The following UQCRH variants were observed in gnomAD, a reference collection of about 807,000 sequenced individuals.
UQCRH encodes cytochrome b-c1 complex subunit 6, mitochondrial.
A neutral mutation model predicts 16.3 loss-of-function variants in UQCRH; 14 were observed. That is an observed-to-expected ratio of 0.86 (90% CI 0.57 to 1.34). The LOEUF is 1.34. Ranked by LOEUF, UQCRH falls within the 40% of genes most tolerant of loss-of-function variation. The probability of loss-of-function intolerance (pLI) is 0.00; values close to 1 mark genes in which losing one functional copy is unlikely to be tolerated. For missense variants in UQCRH, 89 were observed against 111.9 expected, an observed-to-expected ratio of 0.80 and a Z score of 0.92; for synonymous variants, 41 against 41.9, an observed-to-expected ratio of 0.98 and a Z score of 0.08.
At chr1:46,306,151 C>T (rs1334948122) in intron 1 of UQCRH, among the ~76,000 whole-genome samples, 3 of 152,106 alleles carry the variant, frequency 2.0e-5, no homozygotes, top group African/African-American at 7.2e-5. Context: ...TGGTTTTTCT[C>T]AGTGACTGGA....
At chr1:46,309,667 T>C in intron 2 of UQCRH, 1 of 205,484 alleles carries the variant, frequency 4.9e-6, no homozygotes, top group Non-Finnish European at 9.2e-6. Flanking sequence ...CAAAACTCCG[T>C]CTTAAAAAAA....
At chr1:46,307,613 A>G (rs1052983547) in intron 1 of UQCRH, among the ~76,000 whole-genome samples, 1 of 152,182 alleles carries the variant, frequency 6.6e-6, no homozygotes, top group African/African-American at 2.4e-5. Context: ...TTACACTACT[A>G]TCCTTGAAGA....
At position 46,309,439 on chromosome 1, in the gene UQCRH, C is replaced by A. The variant is rs943429435; in HGVS notation, c.81+312C>A. 20 of 319,992 alleles carry A rather than the reference C, an allele frequency of 6.3e-5. No individual in the cohort carries two copies. In the East Asian group the frequency reaches 1.1e-3, roughly 17 times the overall value. The allele number at this position is 319,992 out of a possible 1,614,324, so 19.8% of individuals were successfully genotyped here. A position where few individuals can be genotyped will look rare whatever the true frequency, so the allele number is the denominator to read the frequency against. ...AGGCATGGTGGCTCGTGCCTGTAAT[C>A]TCAGCACTTTGGGAGGCCAAGGCAG... On this transcript the variant is annotated intron_variant, in intron 2 of 3. Coordinates refer to ENST00000311672, the MANE Select transcript of UQCRH (RefSeq NM_006004.4).
intron 3 of UQCRH, among the ~76,000 whole-genome samples, chr1:46,313,642 C>CAGAT (rs140722553): frequency 0.14 from 19,851 of 145,768 alleles, 1,360 homozygotes; most frequent in African/African-American, 0.17. Context: ...AAAATATAGA[C>CAGAT]AGATAGATAG....
chr1:46,304,626 C>G (rs1264310745), intron 1 of UQCRH, among the ~76,000 whole-genome samples: 1 of 152,096 alleles, frequency 6.6e-6, no homozygotes, highest in Non-Finnish European at 1.5e-5. Context: ...ACCTAGTGAT[C>G]CGCCCACCCC....
chr1:46,308,981 A>G, intron 1 of UQCRH, 120 bp from the exon 2 acceptor site: 2 of 1,227,272 alleles, frequency 1.6e-6, no homozygotes, highest in East Asian at 2.5e-5. Context: ...CATAAAACAC[A>G]GAAAACAAAA....
At chr1:46,310,866 G>T (rs1229487991) in intron 3 of UQCRH, among the ~76,000 whole-genome samples, 1 of 151,836 alleles carries the variant, frequency 6.6e-6, no homozygotes, top group Non-Finnish European at 1.5e-5. Context: ...AGGAGATCGA[G>T]ACCATCCTGG....
intron 3 of UQCRH, among the ~76,000 whole-genome samples, chr1:46,313,642 C>CAGATAGAT (rs140722553): frequency 0.017 from 2,497 of 145,852 alleles, 22 homozygotes; most frequent in Middle Eastern, 0.032. Context: ...AAAATATAGA[C>CAGATAGAT]AGATAGATAG....
At chr1:46,314,684 A>G (rs932187348) in intron 3 of UQCRH, among the ~76,000 whole-genome samples, 1 of 152,074 alleles carries the variant, frequency 6.6e-6, no homozygotes, top group East Asian at 1.9e-4. Context: ...AAAAAAAAAA[A>G]AAAAAAGGAG....
intron 1 of UQCRH, among the ~76,000 whole-genome samples, chr1:46,305,688 T>C (rs1661360614): frequency 6.6e-6 from 1 of 151,606 alleles, no homozygotes; most frequent in African/African-American, 2.4e-5. Context: ...GAGGCGAAGC[T>C]TGCAGTGAGC....
chr1:46,313,048 G>A (rs542218669), intron 3 of UQCRH, among the ~76,000 whole-genome samples: 1 of 152,066 alleles, frequency 6.6e-6, no homozygotes, highest in South Asian at 2.1e-4. Context: ...TTCCTCAAAA[G>A]GCTAAATATA....
At chr1:46,310,424 A>G (rs984747351) in intron 3 of UQCRH, 108 bp downstream of exon 3, 3 of 1,500,308 alleles carry the variant, frequency 2.0e-6, no homozygotes, top group Non-Finnish European at 2.7e-6. Context: ...CTCTGGGCCC[A>G]ATATATGTGA....
chr1:46,312,240 T>C (rs1661494422), intron 3 of UQCRH, among the ~76,000 whole-genome samples: 1 of 151,774 alleles, frequency 6.6e-6, no homozygotes, highest in Non-Finnish European at 1.5e-5. Flanking sequence ...GGATTAAAGG[T>C]GCACGCCACC....
At chr1:46,314,918 G>T (rs1661553706) in intron 3 of UQCRH, among the ~76,000 whole-genome samples, 1 of 152,194 alleles carries the variant, frequency 6.6e-6, no homozygotes, top group African/African-American at 2.4e-5. Context: ...GATGAAAAAG[G>T]TCCCAAGATT....
chr1:46,303,937 C>T, intron 1 of UQCRH, 117 bp downstream of exon 1: 1 of 1,362,094 alleles, frequency 7.3e-7, no homozygotes, highest in Non-Finnish European at 1.0e-6. Flanking sequence ...TTTGCATAGT[C>T]GGGAGCTCTA....
At chr1:46,307,805 C>A (rs1661402717) in intron 1 of UQCRH, among the ~76,000 whole-genome samples, 1 of 152,186 alleles carries the variant, frequency 6.6e-6, no homozygotes, top group Non-Finnish European at 1.5e-5. Context: ...TAAGCTCTGA[C>A]CAAACAAGGG....
intron 1 of UQCRH, among the ~76,000 whole-genome samples, chr1:46,306,393 T>G (rs886870367): frequency 6.7e-6 from 1 of 150,132 alleles, no homozygotes; most frequent in Non-Finnish European, 1.5e-5. Context: ...TTTTTTTTTT[T>G]TTTTTTGTGA....
At position 46,306,380 on chromosome 1, in the gene UQCRH, G is replaced by GTTTTTTT. The variant is rs58917170; in HGVS notation, c.54+2573_54+2579dup. 8.0e-5 allele frequency among the ~76,000 whole-genome samples: 10 copies of GTTTTTTT among 125,182 alleles called. 2 individuals carry two copies. Among genetic ancestry groups the GTTTTTTT allele is most frequent in the Admixed American group, 8.5e-5 (1 of 11,754 alleles). The allele number at this position is 125,182 out of a possible 152,430, so 82.1% of individuals were successfully genotyped here. A position where few individuals can be genotyped will look rare whatever the true frequency, so the allele number is the denominator to read the frequency against. ...TAGTTTTTTTGGGAAAACTTTTTCA[G>GTTTTTTT]TTTTTTTTTTTTTTTTTTTGTGACG... On this transcript the variant is annotated intron_variant, in intron 1 of 3. Coordinates refer to ENST00000311672, the MANE Select transcript of UQCRH (RefSeq NM_006004.4).
chr1:46,309,834 G>T lies in UQCRH; in HGVS notation c.82-321G>T, dbSNP rs565641489. The T allele has an allele frequency of 1.6e-5, 21 of 1,287,760 alleles. No individual in the cohort carries two copies. In the African/African-American group the frequency reaches 3.0e-4, roughly 18 times the overall value. 79.8% of individuals were successfully genotyped at this position (1,287,760 alleles called of 1,614,324 possible). Reference sequence around the variant, plus strand: ...ATATTCCAAAATGCTGTGTTAACAAGTAAGGCCTCCTATAGATCTACTTCA... The same window carrying T: ...ATATTCCAAAATGCTGTGTTAACAATTAAGGCCTCCTATAGATCTACTTCA... On this transcript the variant is annotated intron_variant, in intron 2 of 3. Transcript: ENST00000311672.
Sources: allele counts gnomAD v4.1 joint callset (sites outside exome capture counted in the v4.1 genomes callset), GRCh38; gene constraint gnomAD v4.1.1; transcripts MANE v1.5; gene names NCBI Gene and HGNC (gene_info 2026-07-23, HGNC 2026-07-21).